RAD51B: variants seen among roughly 807,000 people sequenced by gnomAD.
RAD51B encodes the protein DNA repair protein RAD51 homolog 2.
RAD51B carries 38 observed loss-of-function variants against 42.2 expected under a neutral mutation model. The ratio of observed to expected loss-of-function variants is 0.90; its 90% confidence interval spans 0.70 to 1.18. RAD51B has a LOEUF of 1.18. Among genes scored for constraint, RAD51B ranks in the 50% most tolerant of loss-of-function variants. The pLI, the probability that RAD51B is intolerant of heterozygous loss-of-function variation, is 0.00. For synonymous variants in RAD51B, 154 were observed against 145.2 expected, an observed-to-expected ratio of 1.06 and a Z score of -0.43; for missense variants, 373 against 400.7, an observed-to-expected ratio of 0.93 and a Z score of 0.59.
At chr14:68,369,399 C>T (rs761335654) in intron 8 of RAD51B, among the ~76,000 whole-genome samples, 1 of 152,134 alleles carries the variant, frequency 6.6e-6, no homozygotes, top group Non-Finnish European at 1.5e-5. Context: ...GGAAACCTTC[C>T]GTGAGAAAAT....
At chr14:67,969,163 A>G (rs1010987208) in intron 7 of RAD51B, among the ~76,000 whole-genome samples, 2 of 152,214 alleles carry the variant, frequency 1.3e-5, no homozygotes, top group Admixed American at 1.3e-4. Context: ...CACAACGTGT[A>G]GGAATTATGG....
intron 7 of RAD51B, among the ~76,000 whole-genome samples, chr14:68,111,595 C>A (rs928022101): frequency 6.6e-6 from 1 of 152,022 alleles, no homozygotes; most frequent in Non-Finnish European, 1.5e-5. Flanking sequence ...TACAACACAA[C>A]CCCACTACAA....
intron 7 of RAD51B, among the ~76,000 whole-genome samples, chr14:68,072,800 T>G (rs1291204837): frequency 6.6e-6 from 1 of 152,250 alleles, no homozygotes; most frequent in Non-Finnish European, 1.5e-5. Flanking sequence ...CCTTAATTCA[T>G]TCAGGAGCAG....
intron 7 of RAD51B, among the ~76,000 whole-genome samples, chr14:68,084,723 G>A (rs1322415385): frequency 1.3e-5 from 2 of 152,214 alleles, no homozygotes; most frequent in Non-Finnish European, 2.9e-5. Flanking sequence ...AACCCTTGGA[G>A]TCTGGATTGG....
At chr14:68,372,957 T>C (rs760356761) in intron 8 of RAD51B, among the ~76,000 whole-genome samples, 1 of 152,210 alleles carries the variant, frequency 6.6e-6, no homozygotes, top group Non-Finnish European at 1.5e-5. Context: ...TTCACAAATA[T>C]GAAAGAAGCA....
chr14:67,935,821 T>C (rs902239041), intron 7 of RAD51B, among the ~76,000 whole-genome samples: 1 of 152,146 alleles, frequency 6.6e-6, no homozygotes, highest in African/African-American at 2.4e-5. Flanking sequence ...CTTCATCTTA[T>C]AAAGATGAGT....
chr14:68,022,337 T>C (rs774376217), intron 7 of RAD51B, among the ~76,000 whole-genome samples: 2 of 152,206 alleles, frequency 1.3e-5, no homozygotes, highest in Non-Finnish European at 2.9e-5. Context: ...CCATTATTGA[T>C]GGGCACCCAG....
At chr14:68,198,790 A>G (rs893297703) in intron 7 of RAD51B, among the ~76,000 whole-genome samples, 1 of 152,210 alleles carries the variant, frequency 6.6e-6, no homozygotes, top group Non-Finnish European at 1.5e-5. Flanking sequence ...AGACATTGAC[A>G]CCAGTCTCCC....
At chr14:67,995,116 G>A (rs546209721) in intron 7 of RAD51B, among the ~76,000 whole-genome samples, 1 of 152,222 alleles carries the variant, frequency 6.6e-6, no homozygotes, top group African/African-American at 2.4e-5. Flanking sequence ...GGCCGGGCAT[G>A]GTTGCTCACA....
intron 11 of RAD51B, among the ~76,000 whole-genome samples, chr14:68,651,318 G>A (rs764584946): frequency 1.4e-4 from 22 of 152,118 alleles, no homozygotes; most frequent in Non-Finnish European, 2.2e-4. Flanking sequence ...GACTACAGGC[G>A]TCTGCCTCCA....
At chr14:68,071,379 T>A (rs2076737459) in intron 7 of RAD51B, among the ~76,000 whole-genome samples, 1 of 152,164 alleles carries the variant, frequency 6.6e-6, no homozygotes, top group Non-Finnish European at 1.5e-5. Context: ...TTTTGCCCCT[T>A]CATATGATGT....
chr14:67,916,338 G>A (rs927675554), intron 7 of RAD51B, among the ~76,000 whole-genome samples: 7 of 151,904 alleles, frequency 4.6e-5, no homozygotes, highest in African/African-American at 1.7e-4. Context: ...TTGGAGTGTA[G>A]TGGAGCTCAC....
At chr14:68,031,324 T>C (rs2076038445) in intron 7 of RAD51B, among the ~76,000 whole-genome samples, 1 of 152,216 alleles carries the variant, frequency 6.6e-6, no homozygotes, top group South Asian at 2.1e-4. Context: ...ACCCTCATGA[T>C]TCAATTATTT....
chr14:68,549,409 A>ATTTTTTTTTTTTTTTTTT (rs71129897), intron 10 of RAD51B, among the ~76,000 whole-genome samples: 1 of 63,578 alleles, frequency 1.6e-5, no homozygotes, highest in Non-Finnish European at 3.3e-5. Context: ...CCCTGGACAC[A>ATTTTTTTTTTTTTTTTTT]TTTTTTTTTT....
intron 10 of RAD51B, chr14:68,468,980 T>G (rs183822763): frequency 2.6e-4 from 87 of 329,526 alleles, no homozygotes; most frequent in African/African-American, 1.8e-3. Flanking sequence ...AAGGGGTAAA[T>G]TCCAGCACTG....
At chr14:68,428,803 G>T (rs12897678) in intron 9 of RAD51B, among the ~76,000 whole-genome samples, 15 of 139,716 alleles carry the variant, frequency 1.1e-4, no homozygotes, top group African/African-American at 3.6e-4. Flanking sequence ...ATGTGCACAA[G>T]GTGCAGGTTT....
chr14:68,146,429 C>A (rs1468419242), intron 7 of RAD51B, among the ~76,000 whole-genome samples: 1 of 152,018 alleles, frequency 6.6e-6, no homozygotes, highest in Non-Finnish European at 1.5e-5. Context: ...TGTTTCCCCC[C>A]CACGGCCCCC....
In RAD51B at chr14:68,565,142, C is replaced by T. The variant is rs74867326; in HGVS notation, c.1037-29343C>T. On this transcript the variant is annotated intron_variant, in intron 10 of 10. Transcript: ENST00000487270. The surrounding 1 kb of genome is among the most constrained non-coding windows in gnomAD (Gnocchi z 4.1). ...CATGCACACAACACAAAGGTTTAAG[C>T]GCTCACTATAAGAAGGTCAGGGGAC... Among the ~76,000 whole-genome samples the T allele has an allele frequency of 0.021, 3,154 of 152,306 alleles. 43 individuals are homozygous for T. The highest frequency in any genetic ancestry group is 0.044 in the Middle Eastern group (13 of 294).
chr14:68,077,650 T>G (rs949101858), intron 7 of RAD51B, among the ~76,000 whole-genome samples: 1 of 152,192 alleles, frequency 6.6e-6, no homozygotes, highest in African/African-American at 2.4e-5. Context: ...TTGCTAGCAG[T>G]ATGTTACATT....
Sources: gnomAD v4.1 joint callset for allele counts (sites outside exome capture counted in the v4.1 genomes callset) on GRCh38, gnomAD v4.1.1 for gene constraint, Gnocchi (gnomAD v3.1) non-coding constraint, MANE v1.5 for transcripts, NCBI Gene and HGNC (gene_info 2026-07-23, HGNC 2026-07-21) for gene names.